Variants in CNTN5 observed in about 807,000 individuals in gnomAD.
The protein encoded by CNTN5 is contactin 5.
In CNTN5, 77 loss-of-function variants were observed where a neutral mutation model predicts 129.1. That is an observed-to-expected ratio of 0.60 (90% confidence interval 0.50 to 0.72). CNTN5 has a LOEUF of 0.72. Ranked by LOEUF, CNTN5 falls within the 30% of genes least tolerant of loss-of-function variation. The pLI is 0.00. For synonymous variants in CNTN5, 509 were observed against 465.6 expected (o/e 1.09, Z -1.20); for missense variants, 1,478 against 1,328.8 (o/e 1.11, Z -1.75).
At chr11:99,940,631 T>C (rs564187560) in intron 7 of CNTN5, among the ~76,000 whole-genome samples, 2 of 152,240 alleles carry the variant, frequency 1.3e-5, no homozygotes, top group South Asian at 4.1e-4. Context: ...TTGATGAAAG[T>C]ATTGGTGTAT....
chr11:99,150,489 A>G (rs1313621473), intron 1 of CNTN5, among the ~76,000 whole-genome samples: 1 of 152,024 alleles, frequency 6.6e-6, no homozygotes, highest in African/African-American at 2.4e-5. Context: ...AAATAAATAT[A>G]TTACATATAA....
At chr11:99,740,378 A>G (rs940021028) in intron 3 of CNTN5, among the ~76,000 whole-genome samples, 1 of 152,182 alleles carries the variant, frequency 6.6e-6, no homozygotes, top group African/African-American at 2.4e-5. Flanking sequence ...GGTAAATAAA[A>G]GGAGAACTTG....
chr11:99,835,039 C>G (rs1431361609), intron 4 of CNTN5, among the ~76,000 whole-genome samples: 1 of 152,168 alleles, frequency 6.6e-6, no homozygotes, highest in African/African-American at 2.4e-5. Context: ...CCTATTGCTT[C>G]CATGATGCAA....
intron 7 of CNTN5, among the ~76,000 whole-genome samples, chr11:99,929,704 G>A (rs755063654): frequency 1.3e-4 from 20 of 152,136 alleles, no homozygotes; most frequent in Non-Finnish European, 1.5e-4. Context: ...CTGCCCCCGT[G>A]ATTAAATTAT....
intron 1 of CNTN5, among the ~76,000 whole-genome samples, chr11:99,125,870 A>C (rs989513075): frequency 6.6e-6 from 1 of 152,196 alleles, no homozygotes; most frequent in African/African-American, 2.4e-5. Flanking sequence ...AGGTACAATG[A>C]AAATGGTAAT....
At chr11:99,753,987 C>CAAAAAAAAAA in intron 3 of CNTN5, among the ~76,000 whole-genome samples, 1 of 125,066 alleles carries the variant, frequency 8.0e-6, no homozygotes, top group African/African-American at 3.2e-5. Flanking sequence ...GGCACCCTGC[C>CAAAAAAAAAA]AAAAAAAAAA....
At chr11:99,085,989 G>A (rs1415333907) in intron 1 of CNTN5, among the ~76,000 whole-genome samples, 1 of 152,174 alleles carries the variant, frequency 6.6e-6, no homozygotes, top group Non-Finnish European at 1.5e-5. Flanking sequence ...TATAGCCTAG[G>A]AGCAATAGGC....
At chr11:99,384,951 A>G (rs1305890771) in intron 2 of CNTN5, among the ~76,000 whole-genome samples, 1 of 152,100 alleles carries the variant, frequency 6.6e-6, no homozygotes, top group Non-Finnish European at 1.5e-5. Context: ...TTGCCTTTTA[A>G]AAAATACTAT....
chr11:100,048,200 A>G (rs1942787932), intron 9 of CNTN5, among the ~76,000 whole-genome samples: 1 of 152,122 alleles, frequency 6.6e-6, no homozygotes, highest in Non-Finnish European at 1.5e-5. Flanking sequence ...TTCTCCTACC[A>G]TCAGACATTA....
At position 100,076,560 on chromosome 11, in the gene CNTN5, C is replaced by T. The variant is rs190061588; in HGVS notation, c.1580+2266C>T. Among the ~76,000 whole-genome samples the T allele has an allele frequency of 4.3e-4, 66 of 152,124 alleles. 1 individual carries two copies. The highest frequency in any genetic ancestry group is 1.1e-3 in the Admixed American group (17 of 15,262). On this transcript the variant is annotated intron_variant, in intron 13 of 24. Transcript: ENST00000524871. Reference sequence around the variant, plus strand: ...TTTCTCTTCCTTTCTTTACTGCTAACCCTTGGGGTTAGTGAGAAAGATACA... The same window carrying T: ...TTTCTCTTCCTTTCTTTACTGCTAATCCTTGGGGTTAGTGAGAAAGATACA...
intron 3 of CNTN5, among the ~76,000 whole-genome samples, chr11:99,700,083 A>C (rs1299241226): frequency 1.3e-5 from 2 of 151,474 alleles, no homozygotes; most frequent in African/African-American, 4.8e-5. Flanking sequence ...TAGCACCACT[A>C]TATCTTGCCA....
chr11:99,036,316 C>A (rs1408290145), intron 1 of CNTN5, among the ~76,000 whole-genome samples: 1 of 151,450 alleles, frequency 6.6e-6, no homozygotes, highest in Non-Finnish European at 1.5e-5. Context: ...TTTTTTTTTC[C>A]CAAGATGGAG....
At chr11:99,186,269 G>T (rs1281108508) in intron 1 of CNTN5, among the ~76,000 whole-genome samples, 1 of 151,890 alleles carries the variant, frequency 6.6e-6, no homozygotes, top group Non-Finnish European at 1.5e-5. Context: ...ACAATAGAGA[G>T]AAATACTTTT....
intron 2 of CNTN5, among the ~76,000 whole-genome samples, chr11:99,517,320 T>C (rs59180471): frequency 0.066 from 10,003 of 152,120 alleles, 363 homozygotes; most frequent in African/African-American, 0.098. Context: ...TTTCCTGGAC[T>C]CTTCCAAGAG....
chr11:100,328,570 C>G (rs1033135287), intron 21 of CNTN5, among the ~76,000 whole-genome samples: 2 of 152,056 alleles, frequency 1.3e-5, no homozygotes, highest in Non-Finnish European at 2.9e-5. Flanking sequence ...AAGGAAGAGA[C>G]AGGTGGGAGG....
chr11:99,283,088 A>C (rs956361192), intron 1 of CNTN5, among the ~76,000 whole-genome samples: 1 of 152,086 alleles, frequency 6.6e-6, no homozygotes. Context: ...AGCATGTTGG[A>C]AATAGTCCAT....
intron 3 of CNTN5, among the ~76,000 whole-genome samples, chr11:99,621,476 T>C (rs1453176839): frequency 6.6e-6 from 1 of 152,184 alleles, no homozygotes; most frequent in Non-Finnish European, 1.5e-5. Context: ...TTAAAACAGC[T>C]ACAAGTAGTG....
chr11:99,029,548 A>C (rs574837194), intron 1 of CNTN5, among the ~76,000 whole-genome samples: 1 of 152,258 alleles, frequency 6.6e-6, no homozygotes, highest in East Asian at 1.9e-4. Context: ...GTGATGGATT[A>C]AACTGACTTC....
intron 6 of CNTN5, among the ~76,000 whole-genome samples, chr11:99,904,240 A>G (rs1949434652): frequency 6.6e-6 from 1 of 152,088 alleles, no homozygotes; most frequent in Non-Finnish European, 1.5e-5. Context: ...TCAACTCATC[A>G]TCTACATTAG....
Sources: gnomAD v4.1 joint callset for allele counts (sites outside exome capture counted in the v4.1 genomes callset) on GRCh38, gnomAD v4.1.1 for gene constraint, MANE v1.5 for transcripts, NCBI Gene and HGNC (gene_info 2026-07-23, HGNC 2026-07-21) for gene names.